Variants in TPD52L1 observed in about 807,000 individuals in gnomAD.
TPD52L1 encodes tumor protein D53.
A neutral mutation model predicts 28.7 loss-of-function variants in TPD52L1; 18 were observed. The observed-to-expected ratio is 0.63, with a 90% CI of 0.43 to 0.93. The LOEUF (loss-of-function observed/expected upper bound fraction) is 0.93, where lower values mean the gene tolerates loss of function less well. Ranked by LOEUF, TPD52L1 falls within the 40% of genes least tolerant of loss-of-function variation. The pLI, the probability that TPD52L1 is intolerant of heterozygous loss-of-function variation, is 0.00. For synonymous variants in TPD52L1, 75 were observed against 88.8 expected, an observed-to-expected ratio of 0.84 and a Z score of 0.88; for missense variants, 203 against 254.8, an observed-to-expected ratio of 0.80 and a Z score of 1.39.
At chr6:125,223,068 C>T (rs1795361897) in intron 2 of TPD52L1, among the ~76,000 whole-genome samples, 1 of 152,172 alleles carries the variant, frequency 6.6e-6, no homozygotes, top group South Asian at 2.1e-4. Flanking sequence ...TCCCAGATGT[C>T]TATCCTTAGC....
intron 1 of TPD52L1, among the ~76,000 whole-genome samples, chr6:125,204,623 G>A (rs1793998608): frequency 6.6e-6 from 1 of 152,066 alleles, no homozygotes; most frequent in Non-Finnish European, 1.5e-5. Context: ...GGGACTACAG[G>A]CGCCCGCCGT....
chr6:125,171,765 C>G (rs182677344), intron 1 of TPD52L1, among the ~76,000 whole-genome samples: 10 of 152,292 alleles, frequency 6.6e-5, no homozygotes, highest in Non-Finnish European at 1.3e-4. Context: ...TCATGAGACC[C>G]TGGGCAGAGG....
intron 1 of TPD52L1, among the ~76,000 whole-genome samples, chr6:125,185,218 G>A (rs1582882025): frequency 1.3e-5 from 2 of 152,144 alleles, no homozygotes; most frequent in African/African-American, 4.8e-5. Context: ...TTTTATAGTG[G>A]TATATTTTAA....
chr6:125,258,108 T>C (rs1050833525), intron 6 of TPD52L1, among the ~76,000 whole-genome samples: 23 of 152,208 alleles, frequency 1.5e-4, no homozygotes, highest in Admixed American at 5.9e-4. Flanking sequence ...AAGTTATTCC[T>C]TACTCGCGGT....
Position 125,240,920 on chromosome 6 carries a change from C to G in TPD52L1, c.285-7362C>G, listed in dbSNP as rs529643346. Among the ~76,000 whole-genome samples the G allele has an allele frequency of 7.6e-4, 115 of 152,096 alleles. 1 individual carries two copies. The highest frequency in any genetic ancestry group is 3.4e-3 in the Middle Eastern group (1 of 294). On this transcript the variant is annotated intron_variant, in intron 3 of 6. Transcript: ENST00000534000. ...TCTTCTTCCAGTTCTTGAGGGAATG[C>G]TTTCAACTTTTCTCCCATTTAGTAT...
In TPD52L1 at chr6:125,259,081, A is replaced by C. The variant is rs182103455; in HGVS notation, c.486+1923A>C. Among the ~76,000 whole-genome samples the C allele has an allele frequency of 4.6e-5, 7 of 152,190 alleles. No homozygotes were observed. In the East Asian group the frequency reaches 1.4e-3, roughly 29 times the overall value. ...TTTCTGCAGTTTACTTTTGTGTTCT[A>C]AGTCTTCTCCAAAATGTCTATATTG... On this transcript the variant is annotated intron_variant, in intron 6 of 6. Coordinates refer to ENST00000534000, the MANE Select transcript of TPD52L1 (RefSeq NM_003287.4).
At chr6:125,154,233 C>G (rs913908769) in intron 1 of TPD52L1, 2 of 1,286,610 alleles carry the variant, frequency 1.6e-6, no homozygotes, top group African/African-American at 1.5e-5. Context: ...ATGCTCTACC[C>G]TCTTCCGCAG....
intron 5 of TPD52L1, 22 bp downstream of exon 5, chr6:125,253,777 A>G: frequency 2.5e-6 from 4 of 1,581,916 alleles, no homozygotes; most frequent in Non-Finnish European, 3.5e-6. Flanking sequence ...AAAATATTTT[A>G]TGTAATATTA....
chr6:125,245,039 C>T (rs1796842737), intron 3 of TPD52L1, among the ~76,000 whole-genome samples: 1 of 152,212 alleles, frequency 6.6e-6, no homozygotes, highest in East Asian at 1.9e-4. Flanking sequence ...CAGGCTGGTG[C>T]TGGCAAATGT....
chr6:125,162,217 T>G (rs1159637585), intron 1 of TPD52L1, among the ~76,000 whole-genome samples: 1 of 152,226 alleles, frequency 6.6e-6, no homozygotes, highest in Non-Finnish European at 1.5e-5. Flanking sequence ...TGATGATGCA[T>G]ATTTTAGGTG....
chr6:125,179,517 G>A (rs548995073), intron 1 of TPD52L1, among the ~76,000 whole-genome samples: 5 of 152,114 alleles, frequency 3.3e-5, no homozygotes, highest in Non-Finnish European at 7.4e-5. Flanking sequence ...TACTATTAAT[G>A]GTTTAATGCT....
chr6:125,202,766 C>CT lies in TPD52L1; in HGVS notation c.20-17296dup, dbSNP rs55761249. 1.5e-3 allele frequency among the ~76,000 whole-genome samples: 169 copies of CT among 116,410 alleles called. 3 individuals are homozygous for CT. The highest frequency in any genetic ancestry group is 2.7e-3 in the South Asian group (9 of 3,384). The allele number at this position is 116,410 out of a possible 152,430, so 76.4% of individuals were successfully genotyped here. Reference sequence around the variant, plus strand: ...CTGAGTGTTACATTTGGAGGTTTATCTTTTTTTTTTTTTTTTGAGACGGAG... The same window carrying CT: ...CTGAGTGTTACATTTGGAGGTTTATCTTTTTTTTTTTTTTTTTGAGACGGAG... On this transcript the variant is annotated intron_variant, in intron 1 of 6. Coordinates refer to ENST00000534000, the MANE Select transcript of TPD52L1 (RefSeq NM_003287.4).
intron 2 of TPD52L1, among the ~76,000 whole-genome samples, chr6:125,224,884 A>G (rs1372682684): frequency 1.3e-5 from 2 of 152,242 alleles, no homozygotes; most frequent in African/African-American, 4.8e-5. Flanking sequence ...ATAAATTTAT[A>G]TAACATAAAC....
intron 3 of TPD52L1, among the ~76,000 whole-genome samples, chr6:125,235,882 AT>A (rs1381252033): frequency 6.6e-6 from 1 of 152,174 alleles, no homozygotes; most frequent in Non-Finnish European, 1.5e-5. Context: ...GTCTATATAT[AT>A]ATAAAAGGAA....
chr6:125,163,316 A>T (rs965742599), intron 1 of TPD52L1, among the ~76,000 whole-genome samples: 2 of 152,212 alleles, frequency 1.3e-5, no homozygotes, highest in African/African-American at 4.8e-5. Flanking sequence ...TTATTTAGTC[A>T]GGTGCAGTGG....
chr6:125,198,800 A>G (rs1793609930), intron 1 of TPD52L1, among the ~76,000 whole-genome samples: 1 of 152,084 alleles, frequency 6.6e-6, no homozygotes, highest in Admixed American at 6.6e-5. Flanking sequence ...GACAGTGCTG[A>G]TTGCCACAAC....
intron 1 of TPD52L1, among the ~76,000 whole-genome samples, chr6:125,207,663 T>C (rs1397444397): frequency 6.6e-6 from 1 of 152,240 alleles, no homozygotes; most frequent in Non-Finnish European, 1.5e-5. Context: ...TCAGCTGAGA[T>C]GCAAACCCAT....
chr6:125,253,915 C>T (rs1209300562), intron 5 of TPD52L1, 160 bp downstream of exon 5: 1 of 811,902 alleles, frequency 1.2e-6, no homozygotes, highest in Admixed American at 1.7e-5. Context: ...AATTGCGTAG[C>T]TTGGGCTTTT....
Position 125,253,707 on chromosome 6 carries a change from T to C in TPD52L1, c.387-10T>C, listed in dbSNP as rs541005367. The stretch of plus-strand genomic sequence containing the variant: ...TCTTTTTTCCCCTTTAATCTGCTTT[T>C]GCTCTGAAGTTACTCCATTCGCCAT... On this transcript the variant is annotated splice_polypyrimidine_tract_variant and intron_variant, in intron 4 of 6. Transcript: ENST00000534000. The C allele has an allele frequency of 1.6e-5, 26 of 1,612,990 alleles. No homozygotes were observed. In the South Asian group the frequency reaches 2.7e-4, roughly 17 times the overall value.
Sources: allele counts gnomAD v4.1 joint callset (sites outside exome capture counted in the v4.1 genomes callset), GRCh38; gene constraint gnomAD v4.1.1; transcripts MANE v1.5; gene names NCBI Gene and HGNC (gene_info 2026-07-23, HGNC 2026-07-21).